Variants in ERC2 observed in about 807,000 individuals in gnomAD.
ERC2 encodes the protein ELKS/RAB6-interacting/CAST family member 2.
ERC2 carries 42 observed loss-of-function variants against 114.8 expected under a neutral mutation model. The observed-to-expected ratio is 0.37, with a 90% CI of 0.29 to 0.47. The LOEUF is 0.47. ERC2 is among the 20% of genes least tolerant of loss of function. The pLI is 0.99. For missense variants in ERC2, 939 were observed against 1,150.7 expected (o/e 0.82, Z 2.66); for synonymous variants, 454 against 425.5 (o/e 1.07, Z -0.82).
chr3:55,763,802 G>C (rs2067597049), intron 14 of ERC2, among the ~76,000 whole-genome samples: 1 of 152,046 alleles, frequency 6.6e-6, no homozygotes, highest in Non-Finnish European at 1.5e-5. Flanking sequence ...TTTAAAGTTG[G>C]ACATCAAGAC....
At chr3:56,040,508 A>G (rs2075065596) in intron 7 of ERC2, among the ~76,000 whole-genome samples, 1 of 90,502 alleles carries the variant, frequency 1.1e-5, no homozygotes, top group African/African-American at 4.3e-5. Context: ...TCTCCCTTAT[A>G]GCTATTCTCT....
At chr3:56,335,581 C>A (rs1236291575) in intron 2 of ERC2, among the ~76,000 whole-genome samples, 1 of 152,070 alleles carries the variant, frequency 6.6e-6, no homozygotes, top group Non-Finnish European at 1.5e-5. Context: ...AATGCAATAT[C>A]GTGGGCAGGA....
chr3:55,985,134 T>C (rs1400501678), intron 12 of ERC2, among the ~76,000 whole-genome samples: 1 of 152,220 alleles, frequency 6.6e-6, no homozygotes, highest in Non-Finnish European at 1.5e-5. Context: ...AGTAAACTCA[T>C]TGATTGAATG....
At chr3:55,517,007 A>G (rs2052558647) in intron 17 of ERC2, among the ~76,000 whole-genome samples, 1 of 152,054 alleles carries the variant, frequency 6.6e-6, no homozygotes, top group African/African-American at 2.4e-5. Flanking sequence ...GGTCTTTTGG[A>G]CTCCAGCGAC....
chr3:56,171,745 T>C (rs1301522366), intron 4 of ERC2, among the ~76,000 whole-genome samples: 1 of 151,730 alleles, frequency 6.6e-6, no homozygotes, highest in Non-Finnish European at 1.5e-5. Context: ...CAAAAAAAGG[T>C]ACCAATTATC....
intron 14 of ERC2, among the ~76,000 whole-genome samples, chr3:55,775,814 T>C (rs1272938791): frequency 6.6e-6 from 1 of 152,186 alleles, no homozygotes; most frequent in African/African-American, 2.4e-5. Flanking sequence ...CAAACCAACT[T>C]TTCCCTGCGA....
intron 14 of ERC2, among the ~76,000 whole-genome samples, chr3:55,771,160 C>T (rs1010004434): frequency 9.2e-5 from 14 of 152,118 alleles, no homozygotes; most frequent in Non-Finnish European, 5.9e-5. Flanking sequence ...GGTATATACC[C>T]AGTAATGGGA....
chr3:55,796,152 A>G (rs1362189129), intron 14 of ERC2, among the ~76,000 whole-genome samples: 1 of 152,234 alleles, frequency 6.6e-6, no homozygotes, highest in Non-Finnish European at 1.5e-5. Context: ...GCAAGGCTAT[A>G]GCAGAGGAAG....
intron 15 of ERC2, among the ~76,000 whole-genome samples, chr3:55,701,913 G>A (rs1308115724): frequency 6.6e-6 from 1 of 152,226 alleles, no homozygotes; most frequent in Non-Finnish European, 1.5e-5. Context: ...GAGGGGAGCT[G>A]TAAGATCTGC....
intron 17 of ERC2, among the ~76,000 whole-genome samples, chr3:55,678,334 A>C (rs987945786): frequency 2.6e-5 from 4 of 152,194 alleles, no homozygotes. Context: ...TCAATTATCA[A>C]GAGCAATCAA....
chr3:56,331,933 C>T (rs151279191), intron 2 of ERC2, among the ~76,000 whole-genome samples: 160 of 152,258 alleles, frequency 1.1e-3, no homozygotes, highest in Middle Eastern at 3.4e-3. Context: ...CCACTTCTAG[C>T]GACTATACCA....
chr3:56,213,950 G>C (rs1261153753), intron 3 of ERC2, among the ~76,000 whole-genome samples: 2 of 152,192 alleles, frequency 1.3e-5, no homozygotes, highest in Admixed American at 1.3e-4. Flanking sequence ...GGTCCTGACT[G>C]CTAGAAGGAA....
At position 56,157,087 on chromosome 3, in the gene ERC2, TAACTTGCCCAAGGTTTCCCCCTGGGTA is replaced by T. The variant is rs1471738976; in HGVS notation, c.1150-7982_1150-7956del. On this transcript the variant is annotated intron_variant, in intron 4 of 17. Transcript: ENST00000288221. Reference sequence around the variant, plus strand: ...GGTCAGAAGACTTACAGATGGTAAATAACTTGCCCAAGGTTTCCCCCTGGGTAAACTGGAATCGTTCCCTCAATAGAT... The same window carrying T: ...GGTCAGAAGACTTACAGATGGTAAATAACTGGAATCGTTCCCTCAATAGAT... Among the ~76,000 whole-genome samples the T allele has an allele frequency of 1.3e-5, 2 of 152,158 alleles. 1 individual carries two copies. Among genetic ancestry groups the T allele is most frequent in the African/African-American group, 4.8e-5 (2 of 41,442 alleles).
At chr3:56,082,352 A>C (rs2077278983) in intron 6 of ERC2, among the ~76,000 whole-genome samples, 1 of 152,144 alleles carries the variant, frequency 6.6e-6, no homozygotes, top group Non-Finnish European at 1.5e-5. Context: ...CCATATATGA[A>C]GCATTGATTG....
rs544166556 is a variant in ERC2, at chr3:55,573,364, C to G, written c.*40-62088G>C. 3.9e-5 allele frequency among the ~76,000 whole-genome samples: 6 copies of G among 152,334 alleles called. No individual in the cohort carries two copies. In the South Asian group the frequency reaches 1.2e-3, roughly 32 times the overall value. ...GCATGAAGCCAGGCAACAGCAAGCACTCAATAAATGTTAGCCAGCCATTTG... is the reference window on the plus strand; with the variant it reads ...GCATGAAGCCAGGCAACAGCAAGCAGTCAATAAATGTTAGCCAGCCATTTG... On this transcript the variant is annotated intron_variant, in intron 17 of 17. Coordinates refer to ENST00000288221, the MANE Select transcript of ERC2 (RefSeq NM_015576.3).
chr3:55,645,541 G>C (rs2060357767), intron 17 of ERC2, among the ~76,000 whole-genome samples: 3 of 152,132 alleles, frequency 2.0e-5, no homozygotes, highest in African/African-American at 7.2e-5. Context: ...CCTTTCATCA[G>C]CTTGATAAAG....
chr3:55,843,238 T>G (rs1477492514), intron 14 of ERC2, among the ~76,000 whole-genome samples: 1 of 152,092 alleles, frequency 6.6e-6, no homozygotes, highest in Non-Finnish European at 1.5e-5. Context: ...GAGCACAGAC[T>G]GGATAGAGGG....
intron 8 of ERC2, among the ~76,000 whole-genome samples, chr3:56,016,748 A>C (rs2073338230): frequency 6.6e-6 from 1 of 152,096 alleles, no homozygotes; most frequent in South Asian, 2.1e-4. Context: ...TCAAATGGGA[A>C]ATTTGAGGCC....
chr3:56,320,051 A>C (rs1231939266), intron 2 of ERC2, among the ~76,000 whole-genome samples: 2 of 152,264 alleles, frequency 1.3e-5, no homozygotes, highest in Non-Finnish European at 2.9e-5. Flanking sequence ...ACGACAATTC[A>C]TTAATCAGGA....
Sources: gnomAD v4.1 joint callset for allele counts (sites outside exome capture counted in the v4.1 genomes callset) on GRCh38, gnomAD v4.1.1 for gene constraint, MANE v1.5 for transcripts, NCBI Gene and HGNC (gene_info 2026-07-23, HGNC 2026-07-21) for gene names.